BDNF: variants seen among roughly 807,000 people sequenced by gnomAD.
The protein encoded by BDNF is brain derived neurotrophic factor.
In BDNF, 1 loss-of-function variant was observed where a neutral mutation model predicts 19.5. The observed-to-expected ratio is 0.05, with a 90% CI of 0.02 to 0.24. BDNF has a LOEUF of 0.24. Among genes scored for constraint, BDNF ranks in the 10% least tolerant of loss-of-function variants. The probability of loss-of-function intolerance (pLI) is 1.00; values close to 1 mark genes in which losing one functional copy is unlikely to be tolerated. For missense variants in BDNF, 195 were observed against 317.6 expected (o/e 0.61, Z 2.93); for synonymous variants, 100 against 121.6 (o/e 0.82, Z 1.17).
At chr11:27,679,244 C>G (rs924253825) in intron 1 of BDNF, among the ~76,000 whole-genome samples, 1 of 152,110 alleles carries the variant, frequency 6.6e-6, no homozygotes, top group African/African-American at 2.4e-5. Flanking sequence ...ATAATGTCCT[C>G]TCACTTCTAG....
intron 1 of BDNF, among the ~76,000 whole-genome samples, chr11:27,670,825 C>G (rs1055270246): frequency 2.0e-5 from 3 of 152,138 alleles, no homozygotes; most frequent in Non-Finnish European, 4.4e-5. Context: ...TAAACTAGTT[C>G]AAACATTGTG....
intron 1 of BDNF, among the ~76,000 whole-genome samples, chr11:27,679,476 C>T (rs1856591395): frequency 6.6e-6 from 1 of 152,134 alleles, no homozygotes; most frequent in Non-Finnish European, 1.5e-5. Context: ...AAATCATTTT[C>T]AAGGTTGCTT....
intron 1 of BDNF, among the ~76,000 whole-genome samples, chr11:27,697,071 G>A (rs756859356): frequency 4.0e-5 from 6 of 150,910 alleles, no homozygotes; most frequent in Non-Finnish European, 8.8e-5. Context: ...AAAGCTGCTG[G>A]CTGTGTTATA....
chr11:27,676,133 C>T (rs1210075012), intron 1 of BDNF: 1 of 152,198 alleles, frequency 6.6e-6, no homozygotes, highest in African/African-American at 2.4e-5. Flanking sequence ...TTATGAAAGC[C>T]TTCACAGGTA....
intron 1 of BDNF, chr11:27,675,039 A>C: frequency 2.4e-6 from 1 of 424,694 alleles, no homozygotes; most frequent in Non-Finnish European, 3.1e-6. Context: ...TCACATACCC[A>C]TTATGTGGTG....
chr11:27,696,133 T>TA (rs771052925), intron 1 of BDNF, among the ~76,000 whole-genome samples: 6 of 152,138 alleles, frequency 3.9e-5, no homozygotes, highest in Non-Finnish European at 8.8e-5. Context: ...CTTTACAGTG[T>TA]AAATATTCTG....
intron 1 of BDNF, chr11:27,674,627 T>C: frequency 1.0e-6 from 1 of 985,240 alleles, no homozygotes; most frequent in Non-Finnish European, 1.2e-6. Context: ...AATATCTGCA[T>C]CATTTAAGCC....
intron 1 of BDNF, among the ~76,000 whole-genome samples, chr11:27,670,977 A>G (rs1590295608): frequency 1.3e-5 from 2 of 152,214 alleles, no homozygotes; most frequent in Non-Finnish European, 1.5e-5. Context: ...TTGCGGCACT[A>G]TTTACAATAG....
intron 1 of BDNF, among the ~76,000 whole-genome samples, chr11:27,708,710 G>T (rs1351945347): frequency 6.6e-6 from 1 of 151,454 alleles, no homozygotes; most frequent in Non-Finnish European, 1.5e-5. Flanking sequence ...TTGCTCCAAA[G>T]AGTATTTAGT....
rs1281541439 is a variant in BDNF at position 27,657,492 on chromosome 11, G to GTTTATTATC, written c.*320_*328dup. On this transcript the variant is annotated 3_prime_UTR_variant, in exon 2 of 2. Transcript: ENST00000356660. This position sits in a 1 kb window ranked among gnomAD's most constrained non-coding sequence, Gnocchi z 5.0. ...TTTTTCTGTTTTCTGAAAGAGGACA[G>GTTTATTATC]TTTATTATCAATTCACAATTAAAGC... 3 of 1,093,080 alleles carry GTTTATTATC rather than the reference G, an allele frequency of 2.7e-6. No individual in the cohort carries two copies. In the East Asian group the frequency reaches 2.1e-4, roughly 75 times the overall value. 67.7% of individuals were successfully genotyped at this position (1,093,080 alleles called of 1,614,324 possible). A position where few individuals can be genotyped will look rare whatever the true frequency, so the allele number is the denominator to read the frequency against.
At chr11:27,711,119 C>T (rs1860309303) in intron 1 of BDNF, among the ~76,000 whole-genome samples, 1 of 152,130 alleles carries the variant, frequency 6.6e-6, no homozygotes, top group Non-Finnish European at 1.5e-5. Context: ...GGTTTGAACC[C>T]AGCTTTGCCA....
chr11:27,687,877 C>T (rs939381835), intron 1 of BDNF, among the ~76,000 whole-genome samples: 1 of 152,196 alleles, frequency 6.6e-6, no homozygotes, highest in African/African-American at 2.4e-5. Context: ...ACTCAGGAAT[C>T]ACGAGGGTCA....
intron 1 of BDNF, chr11:27,720,499 A>G (rs1285111761): frequency 2.0e-6 from 2 of 985,750 alleles, no homozygotes; most frequent in African/African-American, 3.5e-5. Flanking sequence ...CAATGAGGGG[A>G]CCAAACTGGG....
chr11:27,690,178 T>C (rs1858053769), intron 1 of BDNF, among the ~76,000 whole-genome samples: 1 of 152,190 alleles, frequency 6.6e-6, no homozygotes, highest in Non-Finnish European at 1.5e-5. Context: ...CTAAACATTA[T>C]ACAATGCAAA....
At chr11:27,698,858 G>A (rs191462380) in intron 1 of BDNF, among the ~76,000 whole-genome samples, 95 of 152,200 alleles carry the variant, frequency 6.2e-4, no homozygotes, top group African/African-American at 2.3e-3. Flanking sequence ...GATAACTAGA[G>A]GACCCTAAAA....
chr11:27,708,699 A>G (rs1590485833), intron 1 of BDNF, among the ~76,000 whole-genome samples: 1 of 152,250 alleles, frequency 6.6e-6, no homozygotes, highest in African/African-American at 2.4e-5. Context: ...GAACAAAGAA[A>G]TTGCTCCAAA....
chr11:27,699,636 A>T (rs763551107), intron 1 of BDNF: 60 of 1,439,120 alleles, frequency 4.2e-5, no homozygotes, highest in Non-Finnish European at 5.5e-5. Context: ...AGTCCACTTC[A>T]GTCTCAATTC....
rs571054679 is a variant in BDNF at position 27,656,797 on chromosome 11, G to T, written c.*1024C>A. 1.0e-6 allele frequency: 1 copy of T among 984,898 alleles called. No individual in the cohort carries two copies. Among genetic ancestry groups the T allele is most frequent in the African/African-American group, 1.8e-5 (1 of 57,096 alleles). 61.0% of individuals were successfully genotyped at this position (984,898 alleles called of 1,614,324 possible). On this transcript the variant is annotated 3_prime_UTR_variant, in exon 2 of 2. Transcript: ENST00000356660. ...AATCTTCATTTTGGGGTTATTTTTT[G>T]TTGTTTTCTGTTCTAAAAAAAAATC...
chr11:27,683,967 T>C (rs1242091689), intron 1 of BDNF, among the ~76,000 whole-genome samples: 1 of 152,192 alleles, frequency 6.6e-6, no homozygotes, highest in African/African-American at 2.4e-5. Context: ...TTGATGGGGA[T>C]AGCATTGGAT....
Sources: gnomAD v4.1 joint callset for allele counts (sites outside exome capture counted in the v4.1 genomes callset) on GRCh38, gnomAD v4.1.1 for gene constraint, Gnocchi (gnomAD v3.1) non-coding constraint, MANE v1.5 for transcripts, NCBI Gene and HGNC (gene_info 2026-07-23, HGNC 2026-07-21) for gene names.